Variants in MROH2B observed in about 807,000 individuals in gnomAD.
The protein encoded by MROH2B is maestro heat-like repeat-containing protein family member 2B.
In MROH2B, 177 loss-of-function variants were observed where a neutral mutation model predicts 208.6. That is an observed-to-expected ratio of 0.85 (90% CI 0.75 to 0.96). The LOEUF (loss-of-function observed/expected upper bound fraction) is 0.96. Among genes scored for constraint, MROH2B ranks in the 40% least tolerant of loss-of-function variants. MROH2B has a pLI of 0.00. For missense variants in MROH2B, 2,002 were observed against 1,878.7 expected (o/e 1.07, Z -1.21); for synonymous variants, 728 against 659.0 (o/e 1.10, Z -1.60).
chr5:41,067,267 G>T, intron 2 of MROH2B, 49 bp from the exon 3 acceptor site: 1 of 989,140 alleles, frequency 1.0e-6, no homozygotes, highest in Non-Finnish European at 1.6e-6. Flanking sequence ...CAAAAATAAA[G>T]GAATCAAATG....
At position 41,042,220 on chromosome 5, in the gene MROH2B, A is replaced by T. The variant is rs751301789; in HGVS notation, c.1837-12T>A. ...TTCCAAAGGAATTTCTGGAAAACAAAAGATAAGCAACAGGATTTTAAGGGT... is the reference window on the plus strand; with the variant it reads ...TTCCAAAGGAATTTCTGGAAAACAATAGATAAGCAACAGGATTTTAAGGGT... On this transcript the variant is annotated splice_polypyrimidine_tract_variant and intron_variant, in intron 18 of 41. Transcript: ENST00000399564. 2 of 1,335,834 alleles carry T rather than the reference A, an allele frequency of 1.5e-6. No individual in the cohort carries two copies. Among genetic ancestry groups the T allele is most frequent in the South Asian group, 2.7e-5 (2 of 73,160 alleles). The allele number at this position is 1,335,834 out of a possible 1,614,324, so 82.7% of individuals were successfully genotyped here.
At chr5:41,045,897 T>A (rs754028294) in intron 17 of MROH2B, 44 bp from the exon 18 acceptor site, 1 of 1,379,776 alleles carries the variant, frequency 7.2e-7, no homozygotes, top group Non-Finnish European at 1.0e-6. Flanking sequence ...GACCGTTTCA[T>A]GTGCTTTCTT....
chr5:41,038,724 A>G lies in MROH2B; in HGVS notation c.2214+12T>C. The G allele has an allele frequency of 6.3e-7, 1 of 1,594,748 alleles. No homozygotes were observed. The highest frequency in any genetic ancestry group is 8.6e-7 in the Non-Finnish European group (1 of 1,168,270). ...AGCCTAGAAATGGAGGCAGCCATGC[A>G]ACGGGCATTACCTGAGAGCACTGGC... On this transcript the variant is annotated intron_variant, in intron 21 of 41. Transcript: ENST00000399564.
intron 9 of MROH2B, 91 bp from the exon 10 acceptor site, chr5:41,055,946 T>TGGATAATCTTC: frequency 1.2e-6 from 1 of 860,578 alleles, no homozygotes; most frequent in Non-Finnish European, 1.9e-6. Context: ...CCATGAAGAT[T>TGGATAATCTTC]ATCCAAGGCA....
intron 12 of MROH2B, 57 bp from the exon 13 acceptor site, chr5:41,051,147 G>A (rs1277770427): frequency 3.5e-6 from 4 of 1,157,390 alleles, no homozygotes; most frequent in Non-Finnish European, 4.7e-6. Context: ...GGTCCCCTCT[G>A]ACTTTCCTTG....
At chr5:41,010,945 T>C (rs951742579) in intron 30 of MROH2B, among the ~76,000 whole-genome samples, 1 of 152,162 alleles carries the variant, frequency 6.6e-6, no homozygotes, top group Non-Finnish European at 1.5e-5. Flanking sequence ...ATCTATTTTT[T>C]AAAAATCACG....
chr5:41,016,216 TG>T (rs35889112), intron 28 of MROH2B, among the ~76,000 whole-genome samples: 52,722 of 151,932 alleles, frequency 0.35, 9,301 homozygotes, highest in South Asian at 0.43. Context: ...TGAGTATCGA[TG>T]GGTATTTAAT....
intron 28 of MROH2B, among the ~76,000 whole-genome samples, 161 bp from the exon 29 acceptor site, chr5:41,015,639 T>C (rs771226090): frequency 3.2e-4 from 49 of 152,234 alleles, no homozygotes; most frequent in Non-Finnish European, 1.2e-4. Flanking sequence ...CTGGGCACCA[T>C]GCAGATACTC....
intron 13 of MROH2B, among the ~76,000 whole-genome samples, chr5:41,050,637 C>T (rs1195230285): frequency 6.6e-6 from 1 of 152,126 alleles, no homozygotes; most frequent in Non-Finnish European, 1.5e-5. Context: ...GCTTTTAACA[C>T]ATTCCCAGGT....
At chr5:41,054,987 CCT>C (rs1452911245) in intron 10 of MROH2B, 147 bp from the exon 11 acceptor site, 2 of 495,990 alleles carry the variant, frequency 4.0e-6, no homozygotes, top group African/African-American at 4.0e-5. Flanking sequence ...GCCCTCCCAT[CCT>C]CTTTGTTTCC....
chr5:41,017,733 A>AAGAGGAG lies in MROH2B; in HGVS notation c.2884+110_2884+116dup, dbSNP rs878926455. ...GAGGAGAAAAGGAGGAAAATGAGGA[A>AAGAGGAG]AGAGGAGAGAGGAGAGGGGAGGAGG... On this transcript the variant is annotated intron_variant, in intron 28 of 41. Transcript: ENST00000399564. 107 of 1,155,430 alleles carry AAGAGGAG rather than the reference A, an allele frequency of 9.3e-5. 1 individual carries two copies. The South Asian group carries it at 1.9e-3, about 21-fold the overall frequency. 71.6% of individuals were successfully genotyped at this position (1,155,430 alleles called of 1,614,324 possible). A position where few individuals can be genotyped will look rare whatever the true frequency, so the allele number is the denominator to read the frequency against.
chr5:41,034,251 T>G (rs903574672), intron 21 of MROH2B, among the ~76,000 whole-genome samples: 1 of 152,154 alleles, frequency 6.6e-6, no homozygotes, highest in African/African-American at 2.4e-5. Flanking sequence ...CAGCTAACTC[T>G]GGAACTGTGA....
chr5:41,004,885 A>T lies in MROH2B; in HGVS notation c.3900T>A (p.Asn1300Lys). The change falls in exon 36 of 42, where the codon AAT becomes AAA. Residue 1300 changes from asparagine (N) to lysine (K), a missense_variant. Transcript: ENST00000399564. The part of the protein sequence containing the change: ...MKEPILWKHG[N>K]LRNVLILMDQ... Reference sequence around the variant, plus strand: ...CCATCAAGATCAGCACATTTCGCAGATTCCCATGCTTCCAAAGGATTGGTT... The same window carrying T: ...CCATCAAGATCAGCACATTTCGCAGTTTCCCATGCTTCCAAAGGATTGGTT... 1 of 1,614,006 alleles carries T rather than the reference A, an allele frequency of 6.2e-7. No individual in the cohort carries two copies. Among genetic ancestry groups the T allele is most frequent in the Admixed American group, 1.7e-5 (1 of 60,026 alleles).
intron 24 of MROH2B, among the ~76,000 whole-genome samples, chr5:41,019,584 G>A (rs541332545): frequency 6.6e-6 from 1 of 152,242 alleles, no homozygotes; most frequent in South Asian, 2.1e-4. Context: ...ATATGAAAAA[G>A]TCTAGATATG....
At position 41,017,900 on chromosome 5, in the gene MROH2B, G is replaced by A; in HGVS notation, c.2834C>T (p.Thr945Ile). 1 of 1,589,914 alleles carries A rather than the reference G, an allele frequency of 6.3e-7. No individual in the cohort carries two copies. Among genetic ancestry groups the A allele is most frequent in the African/African-American group, 1.3e-5 (1 of 74,688 alleles). ...LAPHSCDTLP[T>I]IRQAAASSTI... Reference sequence around the variant, plus strand: ...TGAGCTAGCAGCCGCCTGACGGATGGTGGGCAGGGTATCACAGGAGTGAGG... The same window carrying A: ...TGAGCTAGCAGCCGCCTGACGGATGATGGGCAGGGTATCACAGGAGTGAGG... The change falls in exon 28 of 42, where the codon ACC (threonine) becomes ATC (isoleucine). Residue 945 changes from threonine to isoleucine, a missense_variant. Coordinates refer to ENST00000399564, the MANE Select transcript of MROH2B (RefSeq NM_173489.5).
chr5:41,014,326 A>G (rs1056307081), intron 29 of MROH2B, among the ~76,000 whole-genome samples: 1 of 152,158 alleles, frequency 6.6e-6, no homozygotes, highest in Non-Finnish European at 1.5e-5. Flanking sequence ...TTGATTTCAA[A>G]TAGAGCAAAA....
At chr5:41,024,983 G>C (rs1364643556) in intron 24 of MROH2B, among the ~76,000 whole-genome samples, 12 of 152,106 alleles carry the variant, frequency 7.9e-5, no homozygotes, top group Admixed American at 2.0e-4. Flanking sequence ...TTCTTTGAAA[G>C]CAATGAGAAC....
chr5:41,049,430 A>G lies in MROH2B; in HGVS notation c.1351T>C (p.Trp451Arg), dbSNP rs1743221366. Residue 451 changes from tryptophan to arginine, a missense_variant, in exon 14 of 42, where the codon TGG (tryptophan) becomes CGG (arginine). Transcript: ENST00000399564. ...ACCACAAAAGTCAGGATCCTTGGCC[A>G]TAGCACCTGTGGAAAACAGGGCATG... ...PLVIGMPQVLWPRILTFVVPA... is the reference protein window; with the variant it reads ...PLVIGMPQVLRPRILTFVVPA... 2.5e-6 allele frequency: 4 copies of G among 1,611,190 alleles called. No individual in the cohort carries two copies. Among genetic ancestry groups the G allele is most frequent in the Non-Finnish European group, 3.4e-6 (4 of 1,179,004 alleles).
intron 11 of MROH2B, among the ~76,000 whole-genome samples, chr5:41,053,386 T>C (rs1743343730): frequency 6.6e-6 from 1 of 152,158 alleles, no homozygotes; most frequent in Non-Finnish European, 1.5e-5. Flanking sequence ...AGCTGAAAAA[T>C]TGTCAATTCT....
Sources: allele counts gnomAD v4.1 joint callset (sites outside exome capture counted in the v4.1 genomes callset), GRCh38; gene constraint gnomAD v4.1.1; transcripts MANE v1.5; gene names NCBI Gene and HGNC (gene_info 2026-07-23, HGNC 2026-07-21).